The following CFAP418 variants were observed in gnomAD, a reference collection of about 807,000 sequenced individuals.
CFAP418 encodes the protein cilia and flagella associated protein 418, also known as cilia- and flagella-associated protein 418.
Under a neutral mutation model 24.7 loss-of-function variants are expected in CFAP418, and 27 were observed. The observed-to-expected ratio is 1.09, with a 90% CI of 0.81 to 1.51. CFAP418 has a LOEUF of 1.51. CFAP418 is among the 40% of genes most tolerant of loss of function. The pLI, the probability that CFAP418 is intolerant of heterozygous loss-of-function variation, is 0.00. For missense variants in CFAP418, 257 were observed against 255.2 expected, an observed-to-expected ratio of 1.01 and a Z score of -0.05; for synonymous variants, 74 against 87.3, an observed-to-expected ratio of 0.85 and a Z score of 0.85.
chr8:95,255,626 A>AG (rs1811775319), intron 4 of CFAP418, among the ~76,000 whole-genome samples: 1 of 152,242 alleles, frequency 6.6e-6, no homozygotes, highest in African/African-American at 2.4e-5. Context: ...CATTGAAGAC[A>AG]GGAAGTGTCC....
chr8:95,254,577 T>C (rs1440226430), intron 4 of CFAP418, among the ~76,000 whole-genome samples: 1 of 152,230 alleles, frequency 6.6e-6, no homozygotes, highest in Non-Finnish European at 1.5e-5. Context: ...CTTTGTTCTT[T>C]TGTCCAGCTA....
intron 4 of CFAP418, among the ~76,000 whole-genome samples, chr8:95,258,381 CAAAAAAAA>C (rs61473559): frequency 4.0e-5 from 2 of 49,660 alleles, no homozygotes. Flanking sequence ...GACTCTGTCT[CAAAAAAAA>C]AAAAAAAAAA....
rs141994214 is a variant in CFAP418, at chr8:95,249,524, G to A, written c.471-1754C>T. Among the ~76,000 whole-genome samples, 549 of 152,192 alleles carry A rather than the reference G, an allele frequency of 3.6e-3. 3 individuals carry two copies. The highest frequency in any genetic ancestry group is 0.013 in the African/African-American group (520 of 41,514). Reference sequence around the variant, plus strand: ...CAAAATTAGCTGGATGTGGTAGTGCGCACCTGTATTCCTAGCTGCTCGAGA... The same window carrying A: ...CAAAATTAGCTGGATGTGGTAGTGCACACCTGTATTCCTAGCTGCTCGAGA... On this transcript the variant is annotated intron_variant, in intron 5 of 5. Transcript: ENST00000286688.
chr8:95,266,230 T>G (rs180731715), intron 1 of CFAP418, among the ~76,000 whole-genome samples: 2 of 152,326 alleles, frequency 1.3e-5, no homozygotes, highest in East Asian at 3.9e-4. Flanking sequence ...GCTGTTATTA[T>G]AGTTATCATC....
intron 4 of CFAP418, among the ~76,000 whole-genome samples, chr8:95,256,453 A>C (rs1009431322): frequency 6.6e-5 from 10 of 152,190 alleles, no homozygotes; most frequent in Non-Finnish European, 1.5e-4. Context: ...ATTTCATTTA[A>C]TCCTCAGAGT....
chr8:95,264,808 C>G (rs1344227753), intron 1 of CFAP418, among the ~76,000 whole-genome samples: 3 of 152,152 alleles, frequency 2.0e-5, no homozygotes, highest in African/African-American at 7.2e-5. Context: ...CTGCCTACTA[C>G]CTAATGGTTG....
In CFAP418 at chr8:95,263,688, G is replaced by C. The variant is rs774078559; in HGVS notation, c.242C>G (p.Ser81Cys). ...LEEPNLDKKP[S>C]KLKSKSSGNT... is the part of the protein sequence containing the mutation. ...ACATATTTATAACACTTGACTTACA[G>C]AGGGTTTTTTGTCCAAGTTGGGCTC... The change falls in exon 2 of 6, where the codon TCT becomes TGT. Residue 81 changes from serine to cysteine, a missense_variant and splice_region_variant. By Grantham distance (112) the Ser-to-Cys change is moderately radical (BLOSUM62 -1). Coordinates refer to ENST00000286688, the MANE Select transcript of CFAP418 (RefSeq NM_177965.4). 18 of 1,578,246 alleles carry C rather than the reference G, an allele frequency of 1.1e-5. No homozygotes were observed. The South Asian group carries it at 1.7e-4, about 15-fold the overall frequency.
chr8:95,261,831 G>A (rs538635079), intron 2 of CFAP418, among the ~76,000 whole-genome samples: 1 of 152,104 alleles, frequency 6.6e-6, no homozygotes, highest in Non-Finnish European at 1.5e-5. Context: ...AAAAGATAGC[G>A]CCTCATATAC....
chr8:95,268,980 C>G, intron 1 of CFAP418, 55 bp downstream of exon 1: 3 of 1,574,578 alleles, frequency 1.9e-6, no homozygotes, highest in Non-Finnish European at 2.6e-6. Context: ...AGGGGCAGCT[C>G]TAGGGCCTGG....
chr8:95,262,972 T>C (rs1167553157), intron 2 of CFAP418, among the ~76,000 whole-genome samples: 1 of 152,240 alleles, frequency 6.6e-6, no homozygotes, highest in Non-Finnish European at 1.5e-5. Flanking sequence ...AATGGACTAC[T>C]GTACACAGTT....
chr8:95,248,866 G>C (rs1811666554), intron 5 of CFAP418, among the ~76,000 whole-genome samples: 1 of 152,126 alleles, frequency 6.6e-6, no homozygotes, highest in Non-Finnish European at 1.5e-5. Flanking sequence ...CAGAAGGCAG[G>C]CTACAAAGTG....
chr8:95,247,540 A>T lies in CFAP418; in HGVS notation c.*77T>A, dbSNP rs1156745481. ...CCCACAGGGAATGGTATTGCTAGGG[A>T]CTATTGTCTAAACATGATGATGATT... is the stretch of plus-strand genomic sequence containing the variant. On this transcript the variant is annotated 3_prime_UTR_variant, in exon 6 of 6. Transcript: ENST00000286688. 6.5e-7 allele frequency: 1 copy of T among 1,540,722 alleles called. No homozygotes were observed. The highest frequency in any genetic ancestry group is 8.9e-7 in the Non-Finnish European group (1 of 1,118,506).
chr8:95,247,908 C>T (rs563699421), intron 5 of CFAP418, 138 bp from the exon 6 acceptor site: 153 of 876,982 alleles, frequency 1.7e-4, no homozygotes, highest in African/African-American at 6.9e-5. Context: ...GGCTGGATTG[C>T]GGTGGCACAA....
intron 4 of CFAP418, 151 bp downstream of exon 4, chr8:95,259,689 G>C (rs78407348): frequency 0.059 from 39,462 of 671,440 alleles, 1,448 homozygotes; most frequent in East Asian, 0.12. Flanking sequence ...TATCTCCCAA[G>C]AATAAAAAAC....
intron 4 of CFAP418, among the ~76,000 whole-genome samples, chr8:95,259,340 G>T (rs910833014): frequency 1.3e-5 from 2 of 152,172 alleles, no homozygotes; most frequent in African/African-American, 2.4e-5. Context: ...CCAGAAAGAG[G>T]TACTGAGTGA....
At chr8:95,263,973 T>C (rs1313420201) in intron 1 of CFAP418, among the ~76,000 whole-genome samples, 199 bp from the exon 2 acceptor site, 1 of 152,160 alleles carries the variant, frequency 6.6e-6, no homozygotes, top group Non-Finnish European at 1.5e-5. Flanking sequence ...TTCACATATG[T>C]TCTATACTAT....
rs758931781 is a variant in CFAP418, at chr8:95,263,694, T to A, written c.236A>T (p.Lys79Ile). 1 of 1,595,052 alleles carries A rather than the reference T, an allele frequency of 6.3e-7. No individual in the cohort carries two copies. The highest frequency in any genetic ancestry group is 2.2e-5 in the East Asian group (1 of 44,622). Residue 79 changes from lysine to isoleucine, a missense_variant, in exon 2 of 6, where the codon AAA (lysine) becomes ATA (isoleucine). Lys to Ile is a moderately radical substitution (Grantham distance 102). Transcript: ENST00000286688. ...TTATAACACTTGACTTACAGAGGGT[T>A]TTTTGTCCAAGTTGGGCTCTTCAAG... ...EILEEPNLDK[K>I]PSKLKSKSSG...
chr8:95,246,642 T>C lies in CFAP418; in HGVS notation c.*975A>G, dbSNP rs1811625635. On this transcript the variant is annotated 3_prime_UTR_variant, in exon 6 of 6. Transcript: ENST00000286688. ...TTTGAGGGACCTGATTTCCTGAATG[T>C]GCTGCTATTGTAGGGCTCCTCAGAT... The C allele has an allele frequency of 6.6e-6, 1 of 152,132 alleles. No homozygotes were observed. The highest frequency in any genetic ancestry group is 1.5e-5 in the Non-Finnish European group (1 of 68,030). The allele number at this position is 152,132 out of a possible 1,614,324, so 9.4% of individuals were successfully genotyped here. A position where few individuals can be genotyped will look rare whatever the true frequency, so the allele number is the denominator to read the frequency against.
chr8:95,250,869 A>AAAG (rs941831637), intron 5 of CFAP418, among the ~76,000 whole-genome samples: 2 of 152,230 alleles, frequency 1.3e-5, no homozygotes, highest in Admixed American at 1.3e-4. Context: ...TTGATGTGAA[A>AAAG]AAGTTTAAAA....
Sources: allele counts gnomAD v4.1 joint callset (sites outside exome capture counted in the v4.1 genomes callset), GRCh38; gene constraint gnomAD v4.1.1; transcripts MANE v1.5; gene names NCBI Gene and HGNC (gene_info 2026-07-23, HGNC 2026-07-21).